Variants in ACTL8 observed in about 807,000 individuals in gnomAD.
ACTL8 encodes actin like 8, also known as actin-like protein 8.
ACTL8 carries 3 observed loss-of-function variants against 9.3 expected under a neutral mutation model. The ratio of observed to expected loss-of-function variants is 0.32; its 90% CI spans 0.15 to 0.83. The LOEUF (loss-of-function observed/expected upper bound fraction) is 0.83, where lower values mean the gene tolerates loss of function less well. ACTL8 is among the 40% of genes least tolerant of loss of function. The pLI is 0.57. For missense variants in ACTL8, 381 were observed against 492.2 expected (o/e 0.77, Z 2.14); for synonymous variants, 224 against 205.9 (o/e 1.09, Z -0.75).
chr1:17,812,491 G>A (rs1251256167), intron 1 of ACTL8, among the ~76,000 whole-genome samples: 3 of 144,384 alleles, frequency 2.1e-5, no homozygotes, highest in African/African-American at 7.7e-5. Flanking sequence ...GTGCAATGGC[G>A]CAATCTCAGC....
At chr1:17,758,838 C>T (rs1265271645) in intron 1 of ACTL8, among the ~76,000 whole-genome samples, 1 of 152,218 alleles carries the variant, frequency 6.6e-6, no homozygotes, top group African/African-American at 2.4e-5. Flanking sequence ...AGAGTAAGCA[C>T]ACTTGGTAAT....
At chr1:17,817,358 A>C (rs2066432543) in intron 1 of ACTL8, among the ~76,000 whole-genome samples, 1 of 152,154 alleles carries the variant, frequency 6.6e-6, no homozygotes, top group Non-Finnish European at 1.5e-5. Context: ...CCTTTCTTGA[A>C]TCAACCTTTT....
chr1:17,774,272 G>C (rs183918728), intron 1 of ACTL8, among the ~76,000 whole-genome samples: 5 of 152,144 alleles, frequency 3.3e-5, no homozygotes, highest in Admixed American at 6.5e-5. Flanking sequence ...AATGAGGAAA[G>C]CTCTTCCACC....
chr1:17,803,937 T>C lies in ACTL8; in HGVS notation c.-24-19048T>C, dbSNP rs537203041. Among the ~76,000 whole-genome samples, 14 of 152,292 alleles carry C rather than the reference T, an allele frequency of 9.2e-5. No homozygotes were observed. In the East Asian group the frequency reaches 2.3e-3, roughly 25 times the overall value. On this transcript the variant is annotated intron_variant, in intron 1 of 2. Coordinates refer to ENST00000375406, the MANE Select transcript of ACTL8 (RefSeq NM_030812.3). The stretch of plus-strand genomic sequence containing the variant: ...GTTTTTGTACCTGTAAGTTGGAAAA[T>C]TGGATATACGCTTACTTCCTAGGGT...
chr1:17,764,090 G>C (rs1322560969), intron 1 of ACTL8, among the ~76,000 whole-genome samples: 2 of 152,178 alleles, frequency 1.3e-5, no homozygotes, highest in Admixed American at 6.5e-5. Context: ...CGGTGGGGGT[G>C]GGGGTGGGGG....
At chr1:17,807,453 A>T (rs1422953358) in intron 1 of ACTL8, among the ~76,000 whole-genome samples, 3 of 152,284 alleles carry the variant, frequency 2.0e-5, no homozygotes, top group African/African-American at 2.4e-5. Context: ...ACTGAGGCAG[A>T]TGATAGTACT....
intron 1 of ACTL8, among the ~76,000 whole-genome samples, chr1:17,771,182 TA>T (rs2102678362): frequency 6.6e-6 from 1 of 150,428 alleles, no homozygotes; most frequent in African/African-American, 2.4e-5. Context: ...AAAGCAGCCA[TA>T]GATAGATAAT....
Position 17,823,443 on chromosome 1 carries a change from T to G in ACTL8, c.348+87T>G. 7.5e-7 allele frequency: 1 copy of G among 1,331,978 alleles called. No homozygotes were observed. The highest frequency in any genetic ancestry group is 1.0e-6 in the Non-Finnish European group (1 of 984,384). The allele number at this position is 1,331,978 out of a possible 1,614,324, so 82.5% of individuals were successfully genotyped here. Reference sequence around the variant, plus strand: ...ACTGATTGGGCACCAGGAATTCTGCTTTTTAAGATAAATTGCCAACCAGGT... The same window carrying G: ...ACTGATTGGGCACCAGGAATTCTGCGTTTTAAGATAAATTGCCAACCAGGT... On this transcript the variant is annotated intron_variant, in intron 2 of 2. Coordinates refer to ENST00000375406, the MANE Select transcript of ACTL8 (RefSeq NM_030812.3). This position sits in a 1 kb window ranked among gnomAD's most constrained non-coding sequence, Gnocchi z 5.3.
At chr1:17,776,441 C>T (rs1339521510) in intron 1 of ACTL8, among the ~76,000 whole-genome samples, 2 of 152,174 alleles carry the variant, frequency 1.3e-5, no homozygotes, top group Non-Finnish European at 2.9e-5. Context: ...TCCCGCTGTG[C>T]CCCTGGTGTA....
chr1:17,809,325 G>C (rs1386695189), intron 1 of ACTL8, among the ~76,000 whole-genome samples: 3 of 152,174 alleles, frequency 2.0e-5, no homozygotes, highest in Non-Finnish European at 4.4e-5. Context: ...GGTCAGGAAA[G>C]GCTCCAGATC....
At position 17,826,145 on chromosome 1, in the gene ACTL8, G is replaced by A. The variant is rs1182735417; in HGVS notation, c.727G>A (p.Gly243Ser). 2 of 1,611,508 alleles carry A rather than the reference G, an allele frequency of 1.2e-6. No individual in the cohort carries two copies. The highest frequency in any genetic ancestry group is 1.7e-6 in the Non-Finnish European group (2 of 1,179,014). The change falls in exon 3 of 3, where the codon GGC becomes AGC. Residue 243 changes from glycine (G) to serine (S), a missense_variant. By Grantham distance (56) the Gly-to-Ser change is moderately conservative. Transcript: ENST00000375406. This position sits in a 1 kb window ranked among gnomAD's most constrained non-coding sequence, Gnocchi z 4.5. ...GAGCAACACCTATCAGCTCCCAGACGGCTCCCGCGTGGAGCTGACCCCCAT... is the reference window on the plus strand; with the variant it reads ...GAGCAACACCTATCAGCTCCCAGACAGCTCCCGCGTGGAGCTGACCCCCAT... Reference protein sequence around the residue: ...DESNTYQLPDGSRVELTPMQR... With the variant: ...DESNTYQLPDSSRVELTPMQR...
intron 1 of ACTL8, among the ~76,000 whole-genome samples, chr1:17,801,013 T>C (rs1489907968): frequency 6.6e-6 from 1 of 152,224 alleles, no homozygotes; most frequent in African/African-American, 2.4e-5. Context: ...TCCTTGAGTT[T>C]TTAAAAGTAA....
rs188050178 is a variant in ACTL8 at position 17,776,955 on chromosome 1, G to A, written c.-25+21451G>A. 8.5e-3 allele frequency among the ~76,000 whole-genome samples: 1,108 copies of A among 131,098 alleles called. 11 individuals are homozygous for A. Among genetic ancestry groups the A allele is most frequent in the African/African-American group, 0.031 (1,058 of 34,300 alleles). 86.0% of individuals were successfully genotyped at this position (131,098 alleles called of 152,430 possible). On this transcript the variant is annotated intron_variant, in intron 1 of 2. Transcript: ENST00000375406. ...GCTGGGACTATAGGCATCCACCACC[G>A]TTCCTGGCTAATGATTTTTTTTTTT...
intron 1 of ACTL8, among the ~76,000 whole-genome samples, chr1:17,766,368 TTGTACAGCGTA>T (rs974913543): frequency 1.3e-5 from 2 of 152,014 alleles, no homozygotes; most frequent in African/African-American, 2.4e-5. Flanking sequence ...TTCCTTGAAA[TTGTACAGCGTA>T]TGAGTGGCAG....
Position 17,823,346 on chromosome 1 carries a change from A to G in ACTL8, c.338A>G (p.Lys113Arg). The change falls in exon 2 of 3, where the codon AAG (lysine) becomes AGG (arginine). Residue 113 changes from lysine (K) to arginine (R), a missense_variant. Physicochemically the swap from Lys to Arg is conservative, Grantham distance 26. Transcript: ENST00000375406. The surrounding 1 kb of genome is among the most constrained non-coding windows in gnomAD (Gnocchi z 5.3). The part of the protein sequence containing the change: ...TPLREPADRK[K>R]MLEILFELLH... ...TTGAGGGAGCCTGCGGACCGAAAGA[A>G]GATGCTGGAGGTGAGGCCTGCCGGG... 1 of 1,612,706 alleles carries G rather than the reference A, an allele frequency of 6.2e-7. No homozygotes were observed. Among genetic ancestry groups the G allele is most frequent in the Non-Finnish European group, 8.5e-7 (1 of 1,179,366 alleles).
At chr1:17,785,476 A>G (rs1303163622) in intron 1 of ACTL8, among the ~76,000 whole-genome samples, 2 of 152,220 alleles carry the variant, frequency 1.3e-5, no homozygotes, top group African/African-American at 4.8e-5. Flanking sequence ...GGACGCACCT[A>G]ATAGGTTGTT....
At chr1:17,770,437 C>G (rs555437753) in intron 1 of ACTL8, among the ~76,000 whole-genome samples, 1 of 152,192 alleles carries the variant, frequency 6.6e-6, no homozygotes, top group South Asian at 2.1e-4. Flanking sequence ...TTTATTGTCT[C>G]TCATAAATTT....
chr1:17,769,746 G>C (rs1007533282), intron 1 of ACTL8, among the ~76,000 whole-genome samples: 6 of 152,192 alleles, frequency 3.9e-5, no homozygotes, highest in Non-Finnish European at 7.3e-5. Context: ...GTCAACCCCA[G>C]CTCGGGGCCA....
chr1:17,823,217 G>A lies in ACTL8; in HGVS notation c.209G>A (p.Gly70Asp). Residue 70 changes from glycine (G) to aspartate (D), a missense_variant, in exon 2 of 3, where the codon GGC becomes GAC. Gly to Asp is a moderately conservative substitution (Grantham distance 94, BLOSUM62 -1). Transcript: ENST00000375406. This position sits in a 1 kb window ranked among gnomAD's most constrained non-coding sequence, Gnocchi z 5.3. ...PDTFSYPIER[G>D]RILNWEGVQY... Reference sequence around the variant, plus strand: ...ACCTTTAGCTACCCCATCGAGCGGGGCCGCATCCTCAACTGGGAGGGTGTG... The same window carrying A: ...ACCTTTAGCTACCCCATCGAGCGGGACCGCATCCTCAACTGGGAGGGTGTG... 1.2e-6 allele frequency: 2 copies of A among 1,614,210 alleles called. No homozygotes were observed.
Sources: allele counts gnomAD v4.1 joint callset (sites outside exome capture counted in the v4.1 genomes callset), GRCh38; gene constraint gnomAD v4.1.1; non-coding constraint Gnocchi (gnomAD v3.1); transcripts MANE v1.5; gene names NCBI Gene and HGNC (gene_info 2026-07-23, HGNC 2026-07-21).